The following IGSF3 variants were observed in gnomAD, a reference collection of about 807,000 sequenced individuals.
IGSF3 encodes immunoglobulin superfamily member 3.
In IGSF3, 23 loss-of-function variants were observed where a neutral mutation model predicts 114.4. That is an observed-to-expected ratio of 0.20 (90% CI 0.14 to 0.28). The LOEUF (loss-of-function observed/expected upper bound fraction) is 0.28. Ranked by LOEUF, IGSF3 falls within the 10% of genes least tolerant of loss-of-function variation. The probability of loss-of-function intolerance (pLI) is 1.00; values close to 1 mark genes in which losing one functional copy is unlikely to be tolerated. For synonymous variants in IGSF3, 571 were observed against 645.2 expected (o/e 0.88, Z 1.74); for missense variants, 1,172 against 1,591.5 (o/e 0.74, Z 4.48).
intron 4 of IGSF3, among the ~76,000 whole-genome samples, chr1:116,609,616 G>T (rs1660934904): frequency 6.6e-6 from 1 of 152,106 alleles, no homozygotes; most frequent in South Asian, 2.1e-4. Flanking sequence ...TTCTAGCTCT[G>T]TTCCTCTAAA....
In IGSF3 at chr1:116,589,636, C is replaced by T. The variant is rs1660008814; in HGVS notation, c.2030-532G>A. On this transcript the variant is annotated intron_variant, in intron 7 of 10. Transcript: ENST00000369486. This position sits in a 1 kb window ranked among gnomAD's most constrained non-coding sequence, Gnocchi z 5.7. ...CTGCCTGTCTCCTTCTGCCACCTCC[C>T]ACCCTGACCCTTCTCTCCACTTATC... is the stretch of plus-strand genomic sequence containing the variant. Among the ~76,000 whole-genome samples the T allele has an allele frequency of 1.3e-5, 2 of 152,112 alleles. No homozygotes were observed. Among genetic ancestry groups the T allele is most frequent in the African/African-American group, 2.4e-5 (1 of 41,412 alleles).
At position 116,661,225 on chromosome 1, in the gene IGSF3, G is replaced by A. The variant is rs139699119; in HGVS notation, c.43+5059C>T. The stretch of plus-strand genomic sequence containing the variant: ...GGAGAATCGCGTGAACCCAGCAGGC[G>A]GAGGTTACGGTGAGCCAAGATCGTG... On this transcript the variant is annotated intron_variant, in intron 2 of 10. Transcript: ENST00000369486. The surrounding 1 kb of genome is among the most constrained non-coding windows in gnomAD (Gnocchi z 4.0). Among the ~76,000 whole-genome samples, 1,050 of 152,224 alleles carry A rather than the reference G, an allele frequency of 6.9e-3. 12 individuals are homozygous for A. Among genetic ancestry groups the A allele is most frequent in the African/African-American group, 0.024 (984 of 41,528 alleles).
Position 116,649,970 on chromosome 1 carries a change from C to T in IGSF3, c.43+16314G>A, listed in dbSNP as rs142503976. 2.9e-3 allele frequency among the ~76,000 whole-genome samples: 446 copies of T among 152,330 alleles called. 4 individuals carry two copies. Among genetic ancestry groups the T allele is most frequent in the Admixed American group, 5.6e-3 (85 of 15,298 alleles). ...AGAACGCCCTTCTGCTCCTCCCACA[C>T]AAATCCTAATCCTACCTCAGGATCC... On this transcript the variant is annotated intron_variant, in intron 2 of 10. Coordinates refer to ENST00000369486, the MANE Select transcript of IGSF3 (RefSeq NM_001007237.3). This position sits in a 1 kb window ranked among gnomAD's most constrained non-coding sequence, Gnocchi z 4.5.
At chr1:116,581,154 C>T (rs536142597) in intron 9 of IGSF3, among the ~76,000 whole-genome samples, 37 of 152,162 alleles carry the variant, frequency 2.4e-4, no homozygotes, top group South Asian at 1.7e-3. Context: ...AGATAACAGA[C>T]GACAAGGCTG....
chr1:116,632,678 T>C lies in IGSF3; in HGVS notation c.44-16221A>G, dbSNP rs1647645643. Among the ~76,000 whole-genome samples the C allele has an allele frequency of 6.6e-6, 1 of 152,228 alleles. No homozygotes were observed. Among genetic ancestry groups the C allele is most frequent in the South Asian group, 2.1e-4 (1 of 4,836 alleles). Reference sequence around the variant, plus strand: ...CTCTGGAGGGGAGAAAGAGAGGCTGTACTCATTAACTCAGAGCTGACCTCG... The same window carrying C: ...CTCTGGAGGGGAGAAAGAGAGGCTGCACTCATTAACTCAGAGCTGACCTCG... On this transcript the variant is annotated intron_variant, in intron 2 of 10. Coordinates refer to ENST00000369486, the MANE Select transcript of IGSF3 (RefSeq NM_001007237.3). The surrounding 1 kb of genome is among the most constrained non-coding windows in gnomAD (Gnocchi z 5.1).
intron 2 of IGSF3, among the ~76,000 whole-genome samples, chr1:116,658,147 T>TTC (rs1167960150): frequency 6.6e-6 from 1 of 152,068 alleles, no homozygotes; most frequent in Non-Finnish European, 1.5e-5. Flanking sequence ...GTTCAAGAGA[T>TTC]TCTCCTGCCT....
rs4044723 is a variant in IGSF3 at position 116,651,255 on chromosome 1, T to G, written c.43+15029A>C. Among the ~76,000 whole-genome samples the G allele has an allele frequency of 1.3e-5, 2 of 152,242 alleles. No homozygotes were observed. Among genetic ancestry groups the G allele is most frequent in the Non-Finnish European group, 2.9e-5 (2 of 68,048 alleles). On this transcript the variant is annotated intron_variant, in intron 2 of 10. Transcript: ENST00000369486. The surrounding 1 kb of genome is among the most constrained non-coding windows in gnomAD (Gnocchi z 4.4). Reference sequence around the variant, plus strand: ...GCTATGCCAGTATCTCTTTCCTGCCTCTTTCTTCTTCAGGCCAAATGGCTC... The same window carrying G: ...GCTATGCCAGTATCTCTTTCCTGCCGCTTTCTTCTTCAGGCCAAATGGCTC...
At chr1:116,587,481 A>G (rs1318568516) in intron 8 of IGSF3, among the ~76,000 whole-genome samples, 2 of 138,760 alleles carry the variant, frequency 1.4e-5, no homozygotes, top group Non-Finnish European at 3.2e-5. Context: ...GGCTGACAGA[A>G]CAATAAGTAC....
intron 8 of IGSF3, among the ~76,000 whole-genome samples, chr1:116,586,578 G>C (rs577055383): frequency 1.3e-5 from 2 of 152,298 alleles, no homozygotes; most frequent in East Asian, 3.9e-4. Context: ...CACTGTAACA[G>C]AGACTTCACT....
Position 116,624,085 on chromosome 1 carries a change from TAA to T in IGSF3, c.44-7630_44-7629del. ...CTGGGCAACAGAGAAAGACTCTATC[TAA>T]AAAAAAAACAAAAAAAAGGTCCCTG... On this transcript the variant is annotated intron_variant, in intron 2 of 10. Coordinates refer to ENST00000369486, the MANE Select transcript of IGSF3 (RefSeq NM_001007237.3). The surrounding 1 kb of genome is among the most constrained non-coding windows in gnomAD (Gnocchi z 4.9). Among the ~76,000 whole-genome samples the T allele has an allele frequency of 7.3e-6, 1 of 136,620 alleles. No individual in the cohort carries two copies. The highest frequency in any genetic ancestry group is 1.6e-5 in the Non-Finnish European group (1 of 63,334). 89.6% of individuals were successfully genotyped at this position (136,620 alleles called of 152,430 possible). A position where few individuals can be genotyped will look rare whatever the true frequency, so the allele number is the denominator to read the frequency against.
At chr1:116,581,320 CTTTTTTT>C (rs955415319) in intron 9 of IGSF3, among the ~76,000 whole-genome samples, 12 of 70,590 alleles carry the variant, frequency 1.7e-4, no homozygotes, top group South Asian at 1.7e-3. Flanking sequence ...GTTTTGCTGT[CTTTTTTT>C]TTTTTTTTTT....
Position 116,616,525 on chromosome 1 carries a change from A to C in IGSF3, c.44-68T>G. 1 of 1,394,186 alleles carries C rather than the reference A, an allele frequency of 7.2e-7. No individual in the cohort carries two copies. Among genetic ancestry groups the C allele is most frequent in the Non-Finnish European group, 9.8e-7 (1 of 1,015,846 alleles). 86.4% of individuals were successfully genotyped at this position (1,394,186 alleles called of 1,614,324 possible). On this transcript the variant is annotated intron_variant, in intron 2 of 10. Transcript: ENST00000369486. The surrounding 1 kb of genome is among the most constrained non-coding windows in gnomAD (Gnocchi z 6.6). Reference sequence around the variant, plus strand: ...CAGACCAAAATGCAAAGTAGCCAGCAATCTCCAAAGGGTTTGTTATTTGTG... The same window carrying C: ...CAGACCAAAATGCAAAGTAGCCAGCCATCTCCAAAGGGTTTGTTATTTGTG...
rs1271937053 is a variant in IGSF3, at chr1:116,613,902, G to A, written c.695C>T (p.Thr232Ile). Residue 232 changes from threonine to isoleucine, a missense_variant, in exon 4 of 11, where the codon ACC becomes ATC. Around this residue, in one of 3 missense-constraint regions of IGSF3, gnomAD observed 736 missense variants for 1,042.0 expected, o/e 0.71. Transcript: ENST00000369486. ...GTCAGAAGGCTGCAGGTGGAAGATGGTGAGGCGGAAGGTGGTCCTCCCCAG... is the reference window on the plus strand; with the variant it reads ...GTCAGAAGGCTGCAGGTGGAAGATGATGAGGCGGAAGGTGGTCCTCCCCAG... ...DKLGRTTFRLTIFHLQPSDQG... is the reference protein window; with the variant it reads ...DKLGRTTFRLIIFHLQPSDQG... 1 of 1,613,870 alleles carries A rather than the reference G, an allele frequency of 6.2e-7. No individual in the cohort carries two copies. Among genetic ancestry groups the A allele is most frequent in the Non-Finnish European group, 8.5e-7 (1 of 1,179,888 alleles).
At chr1:116,574,406 C>T (rs1377451435), downstream of IGSF3, 1 of 152,462 alleles carries the variant, frequency 6.6e-6, no homozygotes, top group Non-Finnish European at 1.5e-5. This position sits in a 1 kb window ranked among gnomAD's most constrained non-coding sequence, Gnocchi z 5.2. Context: ...TGTAAACAGC[C>T]GTATTTTCAA....
At position 116,594,411 on chromosome 1, in the gene IGSF3, G is replaced by A. The variant is rs1341521100; in HGVS notation, c.2030-5307C>T. ...AACATTATAAATTATTACAAAAATG[G>A]AGTATATGATCTGGGTATGAGCTAA... On this transcript the variant is annotated intron_variant, in intron 7 of 10. Coordinates refer to ENST00000369486, the MANE Select transcript of IGSF3 (RefSeq NM_001007237.3). The surrounding 1 kb of genome is among the most constrained non-coding windows in gnomAD (Gnocchi z 5.2). Among the ~76,000 whole-genome samples the A allele has an allele frequency of 2.0e-5, 3 of 152,156 alleles. No individual in the cohort carries two copies. The highest frequency in any genetic ancestry group is 4.4e-5 in the Non-Finnish European group (3 of 68,030).
chr1:116,584,476 C>G lies in IGSF3; in HGVS notation c.2848+169G>C. 1 of 671,634 alleles carries G rather than the reference C, an allele frequency of 1.5e-6. No homozygotes were observed. Among genetic ancestry groups the G allele is most frequent in the Non-Finnish European group, 2.5e-6 (1 of 403,834 alleles). The allele number at this position is 671,634 out of a possible 1,614,324, so 41.6% of individuals were successfully genotyped here. A position where few individuals can be genotyped will look rare whatever the true frequency, so the allele number is the denominator to read the frequency against. On this transcript the variant is annotated intron_variant, in intron 9 of 10. Coordinates refer to ENST00000369486, the MANE Select transcript of IGSF3 (RefSeq NM_001007237.3). This position sits in a 1 kb window ranked among gnomAD's most constrained non-coding sequence, Gnocchi z 5.8. ...AGCCAGACGTGCAATTTTCCATTCACAAGAAAAAAAATTCAGGCAATTTTG... is the reference window on the plus strand; with the variant it reads ...AGCCAGACGTGCAATTTTCCATTCAGAAGAAAAAAAATTCAGGCAATTTTG...
chr1:116,622,381 A>G (rs1250560763), intron 2 of IGSF3, among the ~76,000 whole-genome samples: 1 of 152,220 alleles, frequency 6.6e-6, no homozygotes, highest in Non-Finnish European at 1.5e-5. Flanking sequence ...TATAAACAGG[A>G]TAAATCTTTG....
rs58584252 is a variant in IGSF3 at position 116,624,203 on chromosome 1, CAAAA to C, written c.44-7750_44-7747del. Among the ~76,000 whole-genome samples the C allele has an allele frequency of 8.4e-6, 1 of 118,870 alleles. No homozygotes were observed. The allele number at this position is 118,870 out of a possible 152,430, so 78.0% of individuals were successfully genotyped here. On this transcript the variant is annotated intron_variant, in intron 2 of 10. Transcript: ENST00000369486. The surrounding 1 kb of genome is among the most constrained non-coding windows in gnomAD (Gnocchi z 4.9). ...TGGGTGACAGAGCGAGATCTTGTCT[CAAAA>C]AAAAAAAAAAAATGGCTCTTGAAAC...
intron 8 of IGSF3, among the ~76,000 whole-genome samples, chr1:116,587,617 G>A (rs1396039481): frequency 6.6e-6 from 1 of 152,198 alleles, no homozygotes; most frequent in Non-Finnish European, 1.5e-5. Flanking sequence ...TTACAGAGTA[G>A]TACAGAAGAA....
Sources: gnomAD v4.1 joint callset for allele counts (sites outside exome capture counted in the v4.1 genomes callset) on GRCh38, gnomAD v4.1.1 for gene constraint, gnomAD v4.1.1 regional missense constraint, Gnocchi (gnomAD v3.1) non-coding constraint, MANE v1.5 for transcripts, NCBI Gene and HGNC (gene_info 2026-07-23, HGNC 2026-07-21) for gene names.